The following ITPR1 variants were observed in gnomAD, a reference collection of about 807,000 sequenced individuals.
ITPR1 encodes the protein inositol 1,4,5-trisphosphate receptor type 1, also known as inositol 1,4,5-trisphosphate-gated calcium channel ITPR1.
In ITPR1, 96 loss-of-function variants were observed where a neutral mutation model predicts 318.4. The ratio of observed to expected loss-of-function variants is 0.30; its 90% confidence interval spans 0.26 to 0.36. The LOEUF is 0.36. Among genes scored for constraint, ITPR1 ranks in the 10% least tolerant of loss-of-function variants. The pLI is 1.00. For missense variants in ITPR1, 2,440 were observed against 3,460.2 expected, an observed-to-expected ratio of 0.71 and a Z score of 7.40; for synonymous variants, 1,312 against 1,289.9, an observed-to-expected ratio of 1.02 and a Z score of -0.37.
At chr3:4,672,849 A>G (rs796633776) in intron 20 of ITPR1, among the ~76,000 whole-genome samples, 5 of 152,332 alleles carry the variant, frequency 3.3e-5, no homozygotes, top group African/African-American at 9.6e-5. Flanking sequence ...GTAAACATTA[A>G]GGACCTAGTG....
intron 44 of ITPR1, among the ~76,000 whole-genome samples, chr3:4,743,608 C>T (rs1163865008): frequency 1.3e-5 from 2 of 152,240 alleles, no homozygotes; most frequent in South Asian, 2.1e-4. Flanking sequence ...CTGGTTCATG[C>T]TTCCAGAGGA....
chr3:4,845,266 G>T (rs1171065863), intron 61 of ITPR1, among the ~76,000 whole-genome samples: 1 of 152,132 alleles, frequency 6.6e-6, no homozygotes, highest in African/African-American at 2.4e-5. Flanking sequence ...TATATATTCC[G>T]TATAGCCTTT....
At chr3:4,556,815 A>C (rs6442886) in intron 4 of ITPR1, among the ~76,000 whole-genome samples, 123,042 of 152,064 alleles carry the variant, frequency 0.81, 49,893 homozygotes, top group Non-Finnish European at 0.83. Flanking sequence ...TTTTCAGCTT[A>C]TTTGAGTAAA....
intron 44 of ITPR1, among the ~76,000 whole-genome samples, chr3:4,743,748 G>C (rs148167938): frequency 6.6e-6 from 1 of 152,202 alleles, no homozygotes; most frequent in African/African-American, 2.4e-5. Context: ...AGGGGGAAGG[G>C]GGAGGGGAAG....
Position 4,688,597 on chromosome 3 carries a change from A to G in ITPR1, c.3805A>G (p.Ile1269Val), listed in dbSNP as rs765077446. Residue 1269 changes from isoleucine (I) to valine (V), a missense_variant, in exon 31 of 62, where the codon ATA becomes GTA. Around this residue, in one of 23 missense-constraint regions of ITPR1, gnomAD observed 222 missense variants for 318.8 expected, o/e 0.70. Transcript: ENST00000649015. ...QQNQALLHKHINLFLNPGILE... is the reference protein window; with the variant it reads ...QQNQALLHKHVNLFLNPGILE... ...GAATCAAGCTTTGCTACATAAACAC[A>G]TAAACCTGTTTCTCAACCCAGGGGT... The G allele has an allele frequency of 2.5e-6, 4 of 1,613,982 alleles. No homozygotes were observed. The highest frequency in any genetic ancestry group is 1.1e-5 in the South Asian group (1 of 91,076).
chr3:4,697,336 G>GTGTA (rs2094575624), intron 34 of ITPR1, 64 bp downstream of exon 34: 1 of 1,409,172 alleles, frequency 7.1e-7, no homozygotes, highest in East Asian at 2.5e-5. Flanking sequence ...GTGTGTGTGT[G>GTGTA]TGTGTGTGTG....
intron 56 of ITPR1, among the ~76,000 whole-genome samples, chr3:4,812,582 C>G (rs565172401): frequency 3.9e-5 from 6 of 152,126 alleles, no homozygotes; most frequent in Non-Finnish European, 7.3e-5. Context: ...AATAGTTGGC[C>G]CGACTTAGTG....
chr3:4,651,778 T>G (rs7630678), intron 10 of ITPR1, among the ~76,000 whole-genome samples: 131 of 152,256 alleles, frequency 8.6e-4, no homozygotes, highest in African/African-American at 2.8e-3. Context: ...TAGATTGCTT[T>G]GACAGTTCTC....
chr3:4,763,072 G>C (rs941655050), intron 44 of ITPR1, among the ~76,000 whole-genome samples: 1 of 152,160 alleles, frequency 6.6e-6, no homozygotes, highest in Non-Finnish European at 1.5e-5. Flanking sequence ...GAAGCCAGAA[G>C]CCATTATCCT....
At chr3:4,682,326 T>G (rs1370081140) in intron 26 of ITPR1, among the ~76,000 whole-genome samples, 1 of 152,230 alleles carries the variant, frequency 6.6e-6, no homozygotes, top group Non-Finnish European at 1.5e-5. Context: ...GCACGGTGGC[T>G]GACTCAAAAA....
At chr3:4,754,023 C>T (rs766533461) in intron 44 of ITPR1, among the ~76,000 whole-genome samples, 11 of 139,324 alleles carry the variant, frequency 7.9e-5, no homozygotes, top group Non-Finnish European at 1.7e-4. Flanking sequence ...TTCACTGAGC[C>T]GTGTGACTGC....
intron 2 of ITPR1, among the ~76,000 whole-genome samples, chr3:4,512,951 AG>A (rs1559365118): frequency 6.6e-6 from 1 of 151,242 alleles, no homozygotes; most frequent in Non-Finnish European, 1.5e-5. Context: ...GCTTGTCAGC[AG>A]AGCCGAGCCC....
At position 4,767,329 on chromosome 3, in the gene ITPR1, T is replaced by C. The variant is rs147624184; in HGVS notation, c.5725+619T>C. Among the ~76,000 whole-genome samples, 702 of 152,344 alleles carry C rather than the reference T, an allele frequency of 4.6e-3. 20 individuals carry two copies. The South Asian group carries it at 0.064, about 14-fold the overall frequency. Reference sequence around the variant, plus strand: ...AGCAGCATACACATTCTCTACCCAGTAGATGCCAGCAGCATACCCCTACTC... The same window carrying C: ...AGCAGCATACACATTCTCTACCCAGCAGATGCCAGCAGCATACCCCTACTC... On this transcript the variant is annotated intron_variant, in intron 45 of 61. Coordinates refer to ENST00000649015, the MANE Select transcript of ITPR1 (RefSeq NM_001378452.1).
intron 3 of ITPR1, among the ~76,000 whole-genome samples, chr3:4,519,508 A>T (rs2082401409): frequency 6.6e-6 from 1 of 152,216 alleles, no homozygotes; most frequent in Non-Finnish European, 1.5e-5. Context: ...TACAGGTGTG[A>T]GCCACCATGC....
intron 2 of ITPR1, among the ~76,000 whole-genome samples, chr3:4,499,147 C>G (rs9815279): frequency 0.014 from 2,122 of 152,204 alleles, 56 homozygotes; most frequent in African/African-American, 0.049. Context: ...AAGACCCCAT[C>G]TCTGTTAAAA....
intron 37 of ITPR1, among the ~76,000 whole-genome samples, chr3:4,708,753 C>G (rs1308329559): frequency 1.3e-5 from 2 of 152,186 alleles, no homozygotes. Flanking sequence ...TTTGCATTAT[C>G]CAGTTATTTA....
chr3:4,811,598 A>G, intron 56 of ITPR1, 138 bp downstream of exon 56: 3 of 657,550 alleles, frequency 4.6e-6, no homozygotes, highest in Non-Finnish European at 7.6e-6. Context: ...TGAATTTCAA[A>G]TACAGGTCTT....
intron 50 of ITPR1, among the ~76,000 whole-genome samples, chr3:4,783,322 G>T (rs1233524362): frequency 1.3e-5 from 2 of 152,146 alleles, no homozygotes; most frequent in African/African-American, 4.8e-5. Flanking sequence ...CTGTAACCCT[G>T]CTGGAGCCTT....
At chr3:4,705,865 C>T (rs144749425) in intron 36 of ITPR1, among the ~76,000 whole-genome samples, 238 of 152,298 alleles carry the variant, frequency 1.6e-3, no homozygotes, top group African/African-American at 5.4e-3. Context: ...ACCTCAGTGA[C>T]CCTAAGAAGC....
Sources: allele counts gnomAD v4.1 joint callset (sites outside exome capture counted in the v4.1 genomes callset), GRCh38; gene constraint gnomAD v4.1.1; regional missense constraint gnomAD v4.1.1; transcripts MANE v1.5; gene names NCBI Gene and HGNC (gene_info 2026-07-23, HGNC 2026-07-21).